The following PRIM2 variants were observed in gnomAD, a reference collection of about 807,000 sequenced individuals.
The protein encoded by PRIM2 is DNA primase large subunit.
In PRIM2, 39 loss-of-function variants were observed where a neutral mutation model predicts 67.3. The ratio of observed to expected loss-of-function variants is 0.58; its 90% CI spans 0.45 to 0.76. PRIM2 has a LOEUF of 0.76. Ranked by LOEUF, PRIM2 falls within the 30% of genes least tolerant of loss-of-function variation. PRIM2 has a pLI of 0.00. For synonymous variants in PRIM2, 143 were observed against 198.7 expected (o/e 0.72, Z 2.36); for missense variants, 398 against 598.7 (o/e 0.66, Z 3.50).
intron 7 of PRIM2, among the ~76,000 whole-genome samples, chr6:57,493,318 G>A (rs1773938198): frequency 6.6e-6 from 1 of 152,098 alleles, no homozygotes; most frequent in Non-Finnish European, 1.5e-5. Context: ...TTTACTATAT[G>A]TCTTTAACCA....
chr6:57,267,481 C>T, the PRIM2 span, among the ~76,000 whole-genome samples: 1 of 152,224 alleles, frequency 6.6e-6, no homozygotes, highest in African/African-American at 2.4e-5. Flanking sequence ...TGAGCAACCT[C>T]ATCCATTTAG....
intron 7 of PRIM2, among the ~76,000 whole-genome samples, chr6:57,476,495 C>A (rs1711762285): frequency 6.6e-6 from 1 of 152,166 alleles, no homozygotes; most frequent in Admixed American, 6.5e-5. Flanking sequence ...AAATACCATT[C>A]ATCTGCTTCA....
intron 10 of PRIM2, among the ~76,000 whole-genome samples, chr6:57,580,376 G>A (rs1166127173): frequency 1.3e-5 from 2 of 152,082 alleles, no homozygotes; most frequent in Non-Finnish European, 2.9e-5. Flanking sequence ...TCATGGCTGA[G>A]GTCCTATAGC....
intron 5 of PRIM2, among the ~76,000 whole-genome samples, chr6:57,340,290 C>A (rs922911268): frequency 4.6e-5 from 7 of 152,300 alleles, no homozygotes; most frequent in African/African-American, 1.7e-4. Flanking sequence ...TTGTGGAAGT[C>A]AGTGTGGCGA....
chr6:57,342,771 G>T (rs1362476252), intron 5 of PRIM2, among the ~76,000 whole-genome samples: 1 of 152,182 alleles, frequency 6.6e-6, no homozygotes, highest in African/African-American at 2.4e-5. Flanking sequence ...TCAGGGAAGT[G>T]AGGGCTTTTG....
chr6:57,288,386 G>A, the PRIM2 span, among the ~76,000 whole-genome samples: 17 of 152,310 alleles, frequency 1.1e-4, no homozygotes, highest in African/African-American at 3.8e-4. Flanking sequence ...ACAAAAGGCA[G>A]CAGACAGCTT....
Position 57,332,789 on chromosome 6 carries a change from T to C in PRIM2, c.459+6744T>C, listed in dbSNP as rs1221029671. On this transcript the variant is annotated intron_variant, in intron 5 of 13. Coordinates refer to ENST00000615550, the MANE Select transcript of PRIM2 (RefSeq NM_000947.5). ...TAAAGTGTGTTTGTTGTAAATATCA[T>C]ATAGTTGGATCATCTTCTTTTCTTT... Among the ~76,000 whole-genome samples the C allele has an allele frequency of 2.0e-5, 3 of 151,550 alleles. No homozygotes were observed. In the Admixed American group the frequency reaches 2.0e-4, roughly 10 times the overall value.
At chr6:57,226,491 C>T in the PRIM2 span, among the ~76,000 whole-genome samples, 3 of 152,166 alleles carry the variant, frequency 2.0e-5, no homozygotes, top group Admixed American at 1.3e-4. Flanking sequence ...AGGTGGAAAG[C>T]GGTATGTAAA....
intron 10 of PRIM2, among the ~76,000 whole-genome samples, chr6:57,561,579 T>G (rs1422144781): frequency 2.6e-5 from 4 of 152,172 alleles, no homozygotes; most frequent in Non-Finnish European, 5.9e-5. Flanking sequence ...TCTCTCAGCC[T>G]TCACAGAATT....
chr6:57,572,283 T>C (rs1287254864), intron 10 of PRIM2, among the ~76,000 whole-genome samples: 1 of 152,190 alleles, frequency 6.6e-6, no homozygotes, highest in Non-Finnish European at 1.5e-5. Flanking sequence ...AATGGAATAG[T>C]GTTGAGCGGC....
At chr6:57,244,758 G>T in the PRIM2 span, among the ~76,000 whole-genome samples, 3 of 149,598 alleles carry the variant, frequency 2.0e-5, no homozygotes, top group Non-Finnish European at 3.0e-5. Context: ...AAAAAAAATT[G>T]CTTAATTTCT....
intron 7 of PRIM2, among the ~76,000 whole-genome samples, chr6:57,485,622 G>A (rs1386547790): frequency 3.4e-4 from 51 of 152,192 alleles, no homozygotes; most frequent in Non-Finnish European, 1.6e-4. Context: ...AAAAATGTAT[G>A]TCTATATGTT....
At chr6:57,617,567 T>C (rs1315323049) in intron 12 of PRIM2, among the ~76,000 whole-genome samples, 58 of 152,358 alleles carry the variant, frequency 3.8e-4, no homozygotes, top group African/African-American at 1.3e-3. Flanking sequence ...TTTGAAGAAA[T>C]GTCTATCCAA....
At chr6:57,382,227 T>G in intron 7 of PRIM2, 59 bp downstream of exon 7, 1 of 1,548,500 alleles carries the variant, frequency 6.5e-7, no homozygotes, top group Non-Finnish European at 8.8e-7. Context: ...TATATACCCC[T>G]GGTAGTTTTA....
intron 7 of PRIM2, among the ~76,000 whole-genome samples, chr6:57,444,752 A>C (rs1242255209): frequency 6.6e-6 from 1 of 152,166 alleles, no homozygotes; most frequent in Non-Finnish European, 1.5e-5. Flanking sequence ...GGTTATAAGA[A>C]GGAAAAGCTA....
intron 7 of PRIM2, among the ~76,000 whole-genome samples, chr6:57,475,120 T>C (rs1773444465): frequency 6.6e-6 from 1 of 152,220 alleles, no homozygotes; most frequent in South Asian, 2.1e-4. Flanking sequence ...ATATGTTTCC[T>C]CTCACAGATA....
At chr6:57,303,136 T>C in the PRIM2 span, among the ~76,000 whole-genome samples, 51 of 152,264 alleles carry the variant, frequency 3.3e-4, no homozygotes, top group South Asian at 0.01. Flanking sequence ...AGCTAAGATA[T>C]CCACATAAAA....
intron 8 of PRIM2, among the ~76,000 whole-genome samples, chr6:57,522,752 G>C (rs1267887345): frequency 7.2e-5 from 11 of 152,256 alleles, no homozygotes; most frequent in African/African-American, 2.6e-4. Context: ...CTTTGTACTT[G>C]TTGAACATCT....
intron 7 of PRIM2, among the ~76,000 whole-genome samples, chr6:57,427,145 A>G (rs541241199): frequency 1.3e-5 from 2 of 152,194 alleles, no homozygotes; most frequent in African/African-American, 4.8e-5. Flanking sequence ...ACTGTAAAGC[A>G]GTTTGTTTTA....
Sources: gnomAD v4.1 joint callset for allele counts (sites outside exome capture counted in the v4.1 genomes callset) on GRCh38, gnomAD v4.1.1 for gene constraint, MANE v1.5 for transcripts, NCBI Gene and HGNC (gene_info 2026-07-23, HGNC 2026-07-21) for gene names.